Variants in EPHB1 observed in about 807,000 individuals in gnomAD.
EPHB1 encodes EPH receptor B1.
EPHB1 carries 30 observed loss-of-function variants against 94.4 expected under a neutral mutation model. That is an observed-to-expected ratio of 0.32 (90% CI 0.24 to 0.43). EPHB1 has a LOEUF of 0.43. Among genes scored for constraint, EPHB1 ranks in the 20% least tolerant of loss-of-function variants. The probability of loss-of-function intolerance (pLI) is 1.00; values close to 1 mark genes in which losing one functional copy is unlikely to be tolerated. For missense variants in EPHB1, 1,055 were observed against 1,308.3 expected (o/e 0.81, Z 2.99); for synonymous variants, 522 against 489.1 (o/e 1.07, Z -0.89).
At chr3:135,031,299 C>CTT (rs1936457986) in intron 3 of EPHB1, among the ~76,000 whole-genome samples, 1 of 152,090 alleles carries the variant, frequency 6.6e-6, no homozygotes, top group African/African-American at 2.4e-5. Flanking sequence ...CTCTCTCTCT[C>CTT]TTTCTCCCTT....
intron 3 of EPHB1, among the ~76,000 whole-genome samples, chr3:134,975,191 G>A: frequency 6.6e-6 from 1 of 152,078 alleles, no homozygotes; most frequent in Admixed American, 6.5e-5. Context: ...ATTGAGTTAG[G>A]GAGTCGATGT....
chr3:134,922,668 G>C (rs1692360197), intron 1 of EPHB1, among the ~76,000 whole-genome samples: 1 of 152,154 alleles, frequency 6.6e-6, no homozygotes, highest in Admixed American at 6.5e-5. Context: ...CCTCCAACAT[G>C]ATCTTGCTGT....
intron 3 of EPHB1, among the ~76,000 whole-genome samples, chr3:135,063,268 G>T (rs1937539208): frequency 6.6e-6 from 1 of 152,046 alleles, no homozygotes; most frequent in Non-Finnish European, 1.5e-5. Flanking sequence ...TTTGTAGATT[G>T]CCTTTGGCAA....
chr3:134,958,087 A>G (rs576794587), intron 3 of EPHB1, among the ~76,000 whole-genome samples: 1 of 152,132 alleles, frequency 6.6e-6, no homozygotes, highest in Non-Finnish European at 1.5e-5. Flanking sequence ...GCCCTCTCCA[A>G]GTGGGGACTT....
intron 2 of EPHB1, among the ~76,000 whole-genome samples, chr3:134,940,884 G>A (rs1189218165): frequency 6.6e-6 from 1 of 152,218 alleles, no homozygotes; most frequent in African/African-American, 2.4e-5. Flanking sequence ...TGGGGCTGCT[G>A]TAGTAGATGT....
intron 13 of EPHB1, among the ~76,000 whole-genome samples, chr3:135,246,462 T>G (rs1351765251): frequency 6.6e-6 from 1 of 152,128 alleles, no homozygotes; most frequent in Non-Finnish European, 1.5e-5. Flanking sequence ...AGCCGACACC[T>G]CCAGGGGCTG....
chr3:135,033,617 A>G (rs1402328834), intron 3 of EPHB1, among the ~76,000 whole-genome samples: 1 of 152,228 alleles, frequency 6.6e-6, no homozygotes, highest in Non-Finnish European at 1.5e-5. Flanking sequence ...CCACAGAGGT[A>G]AATTCTTCTT....
At chr3:135,236,565 CA>C (rs1423574685) in intron 12 of EPHB1, among the ~76,000 whole-genome samples, 1 of 152,130 alleles carries the variant, frequency 6.6e-6, no homozygotes, top group African/African-American at 2.4e-5. Flanking sequence ...TGGACTTTCA[CA>C]ACAACCTCAA....
intron 3 of EPHB1, among the ~76,000 whole-genome samples, chr3:135,001,688 C>T (rs910148594): frequency 5.9e-5 from 9 of 152,262 alleles, no homozygotes; most frequent in Admixed American, 3.3e-4. Context: ...CAGTTCTTCC[C>T]TTTGCTGCTG....
At chr3:134,959,305 C>A (rs1303962935) in intron 3 of EPHB1, among the ~76,000 whole-genome samples, 1 of 152,028 alleles carries the variant, frequency 6.6e-6, no homozygotes, top group Non-Finnish European at 1.5e-5. Flanking sequence ...GAGAGGGGTC[C>A]GCCAGGAGCA....
intron 1 of EPHB1, among the ~76,000 whole-genome samples, chr3:134,809,349 A>G (rs955245562): frequency 6.9e-5 from 10 of 144,512 alleles, no homozygotes; most frequent in Non-Finnish European, 1.3e-4. Flanking sequence ...TTCTATTCCC[A>G]GCTAAGCAGA....
chr3:135,243,830 G>T (rs1490679204), intron 13 of EPHB1, among the ~76,000 whole-genome samples: 3 of 152,178 alleles, frequency 2.0e-5, no homozygotes, highest in African/African-American at 7.2e-5. Context: ...TGGAAGTTCT[G>T]CTGCTTGGAT....
At chr3:135,079,120 C>G (rs187742502) in intron 3 of EPHB1, among the ~76,000 whole-genome samples, 1 of 149,376 alleles carries the variant, frequency 6.7e-6, no homozygotes, top group East Asian at 1.9e-4. Flanking sequence ...CAAGCAAAAA[C>G]CCCCAAAAAC....
At chr3:134,806,791 C>T (rs2036049995) in intron 1 of EPHB1, among the ~76,000 whole-genome samples, 1 of 152,052 alleles carries the variant, frequency 6.6e-6, no homozygotes, top group South Asian at 2.1e-4. Flanking sequence ...ATATTACAGC[C>T]CTTGGGAGCA....
intron 1 of EPHB1, among the ~76,000 whole-genome samples, chr3:134,918,002 C>A (rs758650585): frequency 1.3e-5 from 2 of 152,176 alleles, no homozygotes; most frequent in Non-Finnish European, 2.9e-5. Flanking sequence ...ATTTGCTCAT[C>A]AGTTGTGGAG....
intron 15 of EPHB1, 127 bp downstream of exon 15, chr3:135,249,618 C>T: frequency 8.8e-7 from 1 of 1,140,432 alleles, no homozygotes; most frequent in Non-Finnish European, 1.2e-6. Context: ...TAGACCAGGC[C>T]TGGATGGGGA....
chr3:134,991,947 A>T (rs753542902), intron 3 of EPHB1, among the ~76,000 whole-genome samples: 6 of 151,976 alleles, frequency 3.9e-5, no homozygotes, highest in Non-Finnish European at 8.8e-5. Context: ...CTTTTCCAGG[A>T]CTTCCCTTTG....
intron 10 of EPHB1, among the ~76,000 whole-genome samples, chr3:135,183,194 TCCTTCCTCCCTCCCTC>T (rs762659263): frequency 0.053 from 7,221 of 135,352 alleles, 455 homozygotes; most frequent in Middle Eastern, 0.14. Flanking sequence ...CTTCCTCCCT[TCCTTCCTCCCTCCCTC>T]CCTTCCTCCC....
At chr3:135,061,534 T>G (rs1937510054) in intron 3 of EPHB1, among the ~76,000 whole-genome samples, 1 of 152,202 alleles carries the variant, frequency 6.6e-6, no homozygotes, top group African/African-American at 2.4e-5. Flanking sequence ...TCACTACGAA[T>G]GCTGTTAATT....
Sources: gnomAD v4.1 joint callset for allele counts (sites outside exome capture counted in the v4.1 genomes callset) on GRCh38, gnomAD v4.1.1 for gene constraint, MANE v1.5 for transcripts, NCBI Gene and HGNC (gene_info 2026-07-23, HGNC 2026-07-21) for gene names.